Variants in BCHE observed in about 807,000 individuals in gnomAD.
The protein encoded by BCHE is butyrylcholinesterase, also known as cholinesterase.
In BCHE, 48 loss-of-function variants were observed where a neutral mutation model predicts 51.3. The observed-to-expected ratio is 0.94, with a 90% CI of 0.74 to 1.19. The LOEUF is 1.19. Ranked by LOEUF, BCHE falls within the 50% of genes most tolerant of loss-of-function variation. BCHE has a pLI of 0.00. For missense variants in BCHE, 847 were observed against 708.2 expected (o/e 1.20, Z -2.23); for synonymous variants, 251 against 238.0 (o/e 1.05, Z -0.50).
At chr3:165,788,127 TG>T (rs1560005437) in intron 2 of BCHE, among the ~76,000 whole-genome samples, 3 of 151,952 alleles carry the variant, frequency 2.0e-5, no homozygotes, top group Non-Finnish European at 4.4e-5. Context: ...TGTTTTGTTT[TG>T]TTTTGTTTTG....
At chr3:165,797,003 G>T (rs1042021455) in intron 2 of BCHE, among the ~76,000 whole-genome samples, 3 of 152,058 alleles carry the variant, frequency 2.0e-5, no homozygotes, top group Non-Finnish European at 4.4e-5. Context: ...TAGCTGGCAA[G>T]TTAAAGAGGA....
chr3:165,806,887 A>G (rs574653217), intron 2 of BCHE, among the ~76,000 whole-genome samples: 1 of 152,236 alleles, frequency 6.6e-6, no homozygotes, highest in East Asian at 1.9e-4. Flanking sequence ...GAAAGAAAAC[A>G]GCATGACCAG....
At chr3:165,812,401 A>G (rs1053632421) in intron 2 of BCHE, among the ~76,000 whole-genome samples, 2 of 151,714 alleles carry the variant, frequency 1.3e-5, no homozygotes, top group African/African-American at 4.8e-5. Flanking sequence ...GACATTATCT[A>G]TTCTTATTGG....
chr3:165,797,191 T>C (rs1560009398), intron 2 of BCHE, among the ~76,000 whole-genome samples: 46 of 82,066 alleles, frequency 5.6e-4, no homozygotes, highest in Non-Finnish European at 4.7e-4. Context: ...CCTCCTTCGT[T>C]CTTCCCTCCC....
At chr3:165,837,144 A>G (rs1715217542) in intron 1 of BCHE, among the ~76,000 whole-genome samples, 170 bp downstream of exon 1, 1 of 152,186 alleles carries the variant, frequency 6.6e-6, no homozygotes, top group African/African-American at 2.4e-5. Context: ...GATTTGATGC[A>G]TGTGCCTGCT....
chr3:165,825,070 T>C (rs906409519), intron 2 of BCHE, among the ~76,000 whole-genome samples: 1 of 151,850 alleles, frequency 6.6e-6, no homozygotes, highest in Non-Finnish European at 1.5e-5. Flanking sequence ...CTTTAAACTC[T>C]CCAATTAAAA....
In BCHE at chr3:165,831,013, G is replaced by A; in HGVS notation, c.21C>T (p.Ile7=). The change falls in exon 2 of 4, where the codon ATC becomes ATT. Residue 7 remains isoleucine (I), a synonymous_variant. Coordinates refer to ENST00000264381, the MANE Select transcript of BCHE (RefSeq NM_000055.4). ...ACCAAAAGAGAAATCTGATGCATAT[G>A]ATTGTGACTTTGCTATGCATATTGA... MHSKVT[I]ICIRFLFWFL... is the part of the protein sequence containing the mutation. 6.2e-7 allele frequency: 1 copy of A among 1,612,736 alleles called. No homozygotes were observed. Among genetic ancestry groups the A allele is most frequent in the East Asian group, 2.2e-5 (1 of 44,846 alleles).
intron 3 of BCHE, among the ~76,000 whole-genome samples, chr3:165,782,043 T>C (rs1712725769): frequency 6.6e-6 from 1 of 152,032 alleles, no homozygotes; most frequent in Non-Finnish European, 1.5e-5. Flanking sequence ...TAGTATAAAT[T>C]TTCAAAGCAT....
intron 2 of BCHE, among the ~76,000 whole-genome samples, chr3:165,794,756 G>A (rs1713305302): frequency 6.6e-6 from 1 of 152,096 alleles, no homozygotes. Context: ...AAACATGTGT[G>A]TGTGCATGTG....
intron 1 of BCHE, among the ~76,000 whole-genome samples, chr3:165,835,582 G>A (rs187352657): frequency 2.2e-4 from 34 of 151,892 alleles, no homozygotes; most frequent in African/African-American, 7.0e-4. Flanking sequence ...GAACAACGAC[G>A]TCTTTATATC....
chr3:165,827,924 T>G (rs1476504201), intron 2 of BCHE: 1 of 392,082 alleles, frequency 2.6e-6, no homozygotes, highest in African/African-American at 2.1e-5. Context: ...TTTTTACTCA[T>G]ACTATCTTTT....
intron 1 of BCHE, among the ~76,000 whole-genome samples, chr3:165,834,232 C>T (rs975842827): frequency 1.3e-5 from 2 of 151,884 alleles, no homozygotes; most frequent in Non-Finnish European, 2.9e-5. Context: ...TGATTTAATA[C>T]AAAATTTATT....
At chr3:165,778,683 C>A in intron 3 of BCHE, 1 of 453,096 alleles carries the variant, frequency 2.2e-6, no homozygotes, top group Non-Finnish European at 4.5e-6. Flanking sequence ...TCATTTTCAT[C>A]TGTGCAGCTC....
rs1216929573 is a variant in BCHE at position 165,829,868 on chromosome 3, A to T, written c.1166T>A (p.Val389Glu). The change falls in exon 2 of 4, where the codon GTG becomes GAG. Residue 389 changes from valine (V) to glutamate (E), a missense_variant. Val to Glu is a moderately radical substitution (Grantham distance 121). Transcript: ENST00000264381. ...GATGGATTCCTTTCCAAACTCACTC[A>T]CTCCTGGAAAAAATATTTTTAAACC... Reference protein sequence around the residue: ...QEGLKIFFPGVSEFGKESILF... With the variant: ...QEGLKIFFPGESEFGKESILF... The T allele has an allele frequency of 6.2e-7, 1 of 1,610,988 alleles. No individual in the cohort carries two copies. Among genetic ancestry groups the T allele is most frequent in the African/African-American group, 1.3e-5 (1 of 74,614 alleles).
chr3:165,836,507 T>A (rs1371200574), intron 1 of BCHE, among the ~76,000 whole-genome samples: 2 of 152,002 alleles, frequency 1.3e-5, no homozygotes, highest in African/African-American at 4.8e-5. Context: ...AAATCACATT[T>A]CAGTTTACTT....
chr3:165,830,561 C>T lies in BCHE; in HGVS notation c.473G>A (p.Gly158Asp). ...TCTTTCAACCCGAGCCAGAAACTTG[C>T]CATCATAAACATGTAAAGATGATGT... ...TGTSSLHVYD[G>D]KFLARVERVI... Residue 158 changes from glycine (G) to aspartate (D), a missense_variant, in exon 2 of 4, where the codon GGC becomes GAC. Coordinates refer to ENST00000264381, the MANE Select transcript of BCHE (RefSeq NM_000055.4). 6.2e-7 allele frequency: 1 copy of T among 1,613,932 alleles called. No homozygotes were observed. Among genetic ancestry groups the T allele is most frequent in the Non-Finnish European group, 8.5e-7 (1 of 1,179,944 alleles).
Position 165,786,142 on chromosome 3 carries a change from C to A in BCHE, c.1684+3G>T. 6.2e-7 allele frequency: 1 copy of A among 1,610,882 alleles called. No individual in the cohort carries two copies. Among genetic ancestry groups the A allele is most frequent in the South Asian group, 1.1e-5 (1 of 91,010 alleles). Reference sequence around the variant, plus strand: ...AATAACCAAACACTAAAAACAGACACACCTGTCATTTCCAAGACTTTTGGA... The same window carrying A: ...AATAACCAAACACTAAAAACAGACAAACCTGTCATTTCCAAGACTTTTGGA... On this transcript the variant is annotated splice_donor_region_variant and intron_variant, in intron 3 of 3. Transcript: ENST00000264381.
At chr3:165,822,473 A>T (rs1373325776) in intron 2 of BCHE, among the ~76,000 whole-genome samples, 1 of 152,088 alleles carries the variant, frequency 6.6e-6, no homozygotes, top group African/African-American at 2.4e-5. Context: ...TGAGAGAGTT[A>T]TATTTATATT....
intron 2 of BCHE, among the ~76,000 whole-genome samples, chr3:165,796,663 T>C (rs1002496138): frequency 2.6e-5 from 4 of 152,226 alleles, no homozygotes; most frequent in Admixed American, 1.3e-4. Flanking sequence ...ACTTAAAGCA[T>C]ACTTTTATAT....
Sources: gnomAD v4.1 joint callset for allele counts (sites outside exome capture counted in the v4.1 genomes callset) on GRCh38, gnomAD v4.1.1 for gene constraint, MANE v1.5 for transcripts, NCBI Gene and HGNC (gene_info 2026-07-23, HGNC 2026-07-21) for gene names.